Variants in ERAP1 observed in about 807,000 individuals in gnomAD.
ERAP1 encodes the protein adipocyte-derived leucine aminopeptidase.
A neutral mutation model predicts 103.7 loss-of-function variants in ERAP1; 86 were observed. That is an observed-to-expected ratio of 0.83 (90% CI 0.70 to 0.99). ERAP1 has a LOEUF of 0.99. Ranked by LOEUF, ERAP1 falls within the 50% of genes least tolerant of loss-of-function variation. The pLI, the probability that ERAP1 is intolerant of heterozygous loss-of-function variation, is 0.00. For synonymous variants in ERAP1, 398 were observed against 402.4 expected (o/e 0.99, Z 0.13); for missense variants, 1,009 against 1,128.4 (o/e 0.89, Z 1.52).
At chr5:96,846,622 A>G in the ERAP1 span, among the ~76,000 whole-genome samples, 4 of 152,252 alleles carry the variant, frequency 2.6e-5, no homozygotes, top group African/African-American at 9.6e-5. Flanking sequence ...TGCATTTCTA[A>G]TAAGCACCCA....
chr5:96,851,048 T>C, the ERAP1 span, among the ~76,000 whole-genome samples: 1 of 152,176 alleles, frequency 6.6e-6, no homozygotes, highest in African/African-American at 2.4e-5. Context: ...TCTTTCGGCT[T>C]CCTCAAAAAT....
At chr5:96,770,695 AT>A, downstream of ERAP1, 2 of 841,718 alleles carry the variant, frequency 2.4e-6, no homozygotes, top group Non-Finnish European at 4.0e-6. Flanking sequence ...ACTGGAATCT[AT>A]TTAGAATAAA....
the ERAP1 span, among the ~76,000 whole-genome samples, chr5:96,864,392 C>T: frequency 3.3e-5 from 5 of 152,108 alleles, no homozygotes; most frequent in African/African-American, 9.7e-5. Flanking sequence ...AAATTACACT[C>T]AATGTTTTGA....
intron 11 of ERAP1, chr5:96,786,782 C>T (rs554717849): frequency 4.4e-5 from 22 of 495,506 alleles, no homozygotes; most frequent in Admixed American, 1.0e-4. Flanking sequence ...TTTGGACTCA[C>T]GTGAACCCTG....
downstream of ERAP1, chr5:96,770,635 T>A (rs780716163): frequency 7.2e-7 from 1 of 1,380,868 alleles, no homozygotes; most frequent in Non-Finnish European, 1.0e-6. Flanking sequence ...TACAAATTAG[T>A]TTAGCAGTTA....
At chr5:96,880,855 G>T in the ERAP1 span, 4 of 159,194 alleles carry the variant, frequency 2.5e-5, no homozygotes, top group South Asian at 1.7e-4. Context: ...AATAAAATTG[G>T]CAAGGTAATT....
the ERAP1 span, among the ~76,000 whole-genome samples, chr5:96,827,500 A>G: frequency 6.6e-6 from 1 of 152,064 alleles, no homozygotes; most frequent in Non-Finnish European, 1.5e-5. Context: ...CATCTCTGCT[A>G]AAATACAAAA....
chr5:96,890,782 T>G, the ERAP1 span, among the ~76,000 whole-genome samples: 2 of 152,218 alleles, frequency 1.3e-5, no homozygotes, highest in African/African-American at 4.8e-5. Flanking sequence ...GCTATTATTG[T>G]GCAGGTTCTA....
the ERAP1 span, among the ~76,000 whole-genome samples, chr5:96,814,952 G>T: frequency 6.6e-6 from 1 of 152,104 alleles, no homozygotes; most frequent in East Asian, 1.9e-4. Context: ...GAGTTATCTA[G>T]GCCTAACACC....
At chr5:96,872,284 C>T in the ERAP1 span, among the ~76,000 whole-genome samples, 3 of 150,264 alleles carry the variant, frequency 2.0e-5, no homozygotes, top group Non-Finnish European at 3.0e-5. Flanking sequence ...TGCAGTGAGC[C>T]GAGATCACAT....
the ERAP1 span, among the ~76,000 whole-genome samples, chr5:96,857,513 A>G: frequency 3.9e-5 from 6 of 152,202 alleles, no homozygotes; most frequent in Admixed American, 2.0e-4. Context: ...TAAAAAGCTA[A>G]AAATAAAAAA....
chr5:96,910,159 G>A, the ERAP1 span: 7 of 162,286 alleles, frequency 4.3e-5, no homozygotes, highest in Admixed American at 1.2e-4. Flanking sequence ...CAGCTACTTC[G>A]GAGGCTGAGG....
Position 96,786,560 on chromosome 5 carries a change from G to C in ERAP1, c.1680-11C>G, listed in dbSNP as rs1409387173. The C allele has an allele frequency of 6.5e-7, 1 of 1,547,646 alleles. No homozygotes were observed. Among genetic ancestry groups the C allele is most frequent in the Admixed American group, 1.7e-5 (1 of 59,948 alleles). The stretch of plus-strand genomic sequence containing the variant: ...ACATGCCACAGGTACCTAAAATAAA[G>C]GAGAGGTGGATTGTTCATTTGTTGA... On this transcript the variant is annotated splice_polypyrimidine_tract_variant and intron_variant, in intron 11 of 18. Transcript: ENST00000443439.
chr5:96,851,598 C>G, the ERAP1 span, among the ~76,000 whole-genome samples: 1 of 152,110 alleles, frequency 6.6e-6, no homozygotes, highest in Non-Finnish European at 1.5e-5. Flanking sequence ...CCCAAACAAC[C>G]TATAGGCATG....
At chr5:96,826,593 A>G in the ERAP1 span, among the ~76,000 whole-genome samples, 19 of 152,334 alleles carry the variant, frequency 1.2e-4, no homozygotes, top group Admixed American at 9.8e-4. Context: ...GGATGAATTT[A>G]GCCATCCAGG....
the ERAP1 span, among the ~76,000 whole-genome samples, chr5:96,847,247 C>CAAAAAA: frequency 1.2e-5 from 1 of 85,010 alleles, no homozygotes; most frequent in Non-Finnish European, 2.3e-5. Flanking sequence ...GACTCCATCT[C>CAAAAAA]AAAAAAAAAA....
intron 3 of ERAP1, among the ~76,000 whole-genome samples, chr5:96,797,716 A>G (rs2150979104): frequency 6.6e-6 from 1 of 152,336 alleles, no homozygotes; most frequent in South Asian, 2.1e-4. Context: ...GTCTAATTAT[A>G]ATTTAGACAT....
the ERAP1 span, among the ~76,000 whole-genome samples, chr5:96,922,268 G>A: frequency 6.6e-6 from 1 of 152,072 alleles, no homozygotes; most frequent in Non-Finnish European, 1.5e-5. Context: ...ACTGCACTCC[G>A]GCCTGGGCGA....
At chr5:96,856,071 C>G in the ERAP1 span, among the ~76,000 whole-genome samples, 2 of 151,572 alleles carry the variant, frequency 1.3e-5, no homozygotes, top group Non-Finnish European at 2.9e-5. Flanking sequence ...TGTAATCCCA[C>G]CCCTTTAGGG....
Sources: gnomAD v4.1 joint callset for allele counts (sites outside exome capture counted in the v4.1 genomes callset) on GRCh38, gnomAD v4.1.1 for gene constraint, MANE v1.5 for transcripts, NCBI Gene and HGNC (gene_info 2026-07-23, HGNC 2026-07-21) for gene names.